WT1: variants seen among roughly 807,000 people sequenced by gnomAD.
WT1 encodes Wilms tumor protein.
In WT1, 8 loss-of-function variants were observed where a neutral mutation model predicts 60.8. The ratio of observed to expected loss-of-function variants is 0.13; its 90% CI spans 0.08 to 0.24. The LOEUF (loss-of-function observed/expected upper bound fraction) is 0.24, where lower values mean the gene tolerates loss of function less well. Ranked by LOEUF, WT1 falls within the 10% of genes least tolerant of loss-of-function variation. The pLI, the probability that WT1 is intolerant of heterozygous loss-of-function variation, is 1.00. For missense variants in WT1, 568 were observed against 711.8 expected, an observed-to-expected ratio of 0.80 and a Z score of 2.30; for synonymous variants, 312 against 297.1, an observed-to-expected ratio of 1.05 and a Z score of -0.52.
At chr11:32,407,934 C>T (rs1006964600) in intron 5 of WT1, among the ~76,000 whole-genome samples, 2 of 152,026 alleles carry the variant, frequency 1.3e-5, no homozygotes, top group African/African-American at 4.8e-5. Flanking sequence ...CTAGGAAATA[C>T]AGGGGAGGCC....
chr11:32,431,729 C>T (rs955736907), intron 1 of WT1, among the ~76,000 whole-genome samples: 1 of 152,076 alleles, frequency 6.6e-6, no homozygotes, highest in African/African-American at 2.4e-5. Context: ...AGCTTTTTTC[C>T]CCTCCTCCTT....
intron 1 of WT1, among the ~76,000 whole-genome samples, chr11:32,433,744 G>C (rs1233363736): frequency 1.3e-5 from 2 of 152,234 alleles, no homozygotes; most frequent in African/African-American, 2.4e-5. Flanking sequence ...GGCGGGCATC[G>C]GCGCGGGATG....
chr11:32,403,758 G>C (rs948577146), intron 5 of WT1, among the ~76,000 whole-genome samples: 16 of 151,836 alleles, frequency 1.1e-4, no homozygotes, highest in African/African-American at 3.1e-4. Context: ...TGTAGTTTTA[G>C]TAGAGACGGG....
chr11:32,420,281 T>C (rs532693837), intron 3 of WT1, among the ~76,000 whole-genome samples: 1 of 152,336 alleles, frequency 6.6e-6, no homozygotes, highest in Non-Finnish European at 1.5e-5. Flanking sequence ...TGGACAGTGA[T>C]GTTCTATAAG....
intron 5 of WT1, among the ~76,000 whole-genome samples, chr11:32,403,750 T>C (rs917065098): frequency 2.6e-5 from 4 of 151,824 alleles, no homozygotes; most frequent in Admixed American, 2.6e-4. Context: ...AATTTTTTTG[T>C]AGTTTTAGTA....
At chr11:32,400,849 AC>A (rs1438308763) in intron 5 of WT1, among the ~76,000 whole-genome samples, 2 of 152,240 alleles carry the variant, frequency 1.3e-5, no homozygotes, top group Non-Finnish European at 2.9e-5. Flanking sequence ...TTTCACCCAC[AC>A]CAGCAGCACA....
At chr11:32,430,220 A>G (rs972849393) in intron 1 of WT1, among the ~76,000 whole-genome samples, 1 of 152,060 alleles carries the variant, frequency 6.6e-6, no homozygotes, top group Non-Finnish European at 1.5e-5. Context: ...TAAGTGGGCA[A>G]AGATAACCCC....
At chr11:32,425,465 A>G (rs34712216) in intron 3 of WT1, among the ~76,000 whole-genome samples, 16,271 of 152,248 alleles carry the variant, frequency 0.11, 1,247 homozygotes, top group African/African-American at 0.22. Context: ...GCATTTAAAT[A>G]CCCTTTCAAA....
At position 32,389,158 on chromosome 11, in the gene WT1, C is replaced by T. The variant is rs139893274; in HGVS notation, c.1469G>A (p.Arg490Gln). The T allele has an allele frequency of 4.3e-6, 7 of 1,614,100 alleles. No individual in the cohort carries two copies. The highest frequency in any genetic ancestry group is 2.2e-5 in the East Asian group (1 of 44,880). The stretch of plus-strand genomic sequence containing the variant: ...AAACTTTTTCTGACAACTTGGCCAC[C>T]GACAGCTGAAGGGCTTTTCACCTGT... The change falls in exon 10 of 10, where the codon CGG (arginine) becomes CAG (glutamine). Residue 490 changes from arginine (R) to glutamine (Q), a missense_variant. Around this residue, in one of 3 missense-constraint regions of WT1, gnomAD observed 29 missense variants for 46.8 expected, o/e 0.62. Coordinates refer to ENST00000452863, the MANE Select transcript of WT1 (RefSeq NM_024426.6).
At chr11:32,395,392 C>T (rs1364030647) in intron 7 of WT1, among the ~76,000 whole-genome samples, 1 of 152,150 alleles carries the variant, frequency 6.6e-6, no homozygotes, top group East Asian at 1.9e-4. Flanking sequence ...TTCTCTGTTT[C>T]CCAGAAGCAG....
chr11:32,426,112 G>A (rs1853027003), intron 3 of WT1, among the ~76,000 whole-genome samples: 1 of 152,128 alleles, frequency 6.6e-6, no homozygotes, highest in African/African-American at 2.4e-5. Context: ...GGAAGTAACG[G>A]ATGTGTGTGT....
At chr11:32,412,812 T>C (rs781476743) in intron 5 of WT1, among the ~76,000 whole-genome samples, 2 of 151,802 alleles carry the variant, frequency 1.3e-5, no homozygotes, top group East Asian at 1.9e-4. Context: ...CATTCTCCCA[T>C]TGGAGGTCAT....
rs377573993 is a variant in WT1, at chr11:32,428,517, A to T, written c.764T>A (p.Met255Lys). Reference sequence around the variant, plus strand: ...CTTACCCAGCGAGCCCTGCTGGCCCATGGGATCCTCATGCTTGAATGAGTG... The same window carrying T: ...CTTACCCAGCGAGCCCTGCTGGCCCTTGGGATCCTCATGCTTGAATGAGTG... Residue 255 changes from methionine to lysine, a missense_variant, in exon 2 of 10, where the codon ATG becomes AAG. Transcript: ENST00000452863. 143 of 1,614,144 alleles carry T rather than the reference A, an allele frequency of 8.9e-5. No homozygotes were observed. In the South Asian group the frequency reaches 1.5e-3, roughly 17 times the overall value.
At chr11:32,426,573 G>C (rs1853045058) in intron 3 of WT1, among the ~76,000 whole-genome samples, 1 of 152,216 alleles carries the variant, frequency 6.6e-6, no homozygotes, top group Non-Finnish European at 1.5e-5. Flanking sequence ...AGAAAAAGAA[G>C]GATGGGGAGG....
intron 3 of WT1, among the ~76,000 whole-genome samples, chr11:32,425,021 T>C (rs1164939146): frequency 1.3e-5 from 2 of 151,850 alleles, no homozygotes; most frequent in Admixed American, 1.3e-4. Context: ...CTACTAAAAA[T>C]ACAAAAATTA....
rs1180529775 is a variant in WT1 at position 32,396,394 on chromosome 11, A to G, written c.1127T>C (p.Val376Ala). 1.2e-6 allele frequency: 2 copies of G among 1,614,066 alleles called. No homozygotes were observed. The highest frequency in any genetic ancestry group is 3.3e-5 in the Admixed American group (2 of 60,024). ...TACAAGAGTCGGGGCTACTCCAGGC[A>G]CACGTCGCACATCCTGCAGGCAGAG... The change falls in exon 7 of 10, where the codon GTG becomes GCG. Residue 376 changes from valine to alanine, a missense_variant. Coordinates refer to ENST00000452863, the MANE Select transcript of WT1 (RefSeq NM_024426.6).
chr11:32,428,646 G>T, intron 1 of WT1, 27 bp from the exon 2 acceptor site: 1 of 1,608,200 alleles, frequency 6.2e-7, no homozygotes. Context: ...GAGAAGCACA[G>T]TGTCAGCGGT....
chr11:32,409,620 C>A (rs1852431637), intron 5 of WT1, among the ~76,000 whole-genome samples: 1 of 152,008 alleles, frequency 6.6e-6, no homozygotes, highest in South Asian at 2.1e-4. Flanking sequence ...ATATGCCCAG[C>A]TAATTTTTTA....
intron 3 of WT1, among the ~76,000 whole-genome samples, chr11:32,422,601 G>A (rs2900741): frequency 0.38 from 57,656 of 152,042 alleles, 11,936 homozygotes; most frequent in East Asian, 0.73. Flanking sequence ...GTGGTAGATC[G>A]GCACTTCCCA....
Sources: allele counts gnomAD v4.1 joint callset (sites outside exome capture counted in the v4.1 genomes callset), GRCh38; gene constraint gnomAD v4.1.1; regional missense constraint gnomAD v4.1.1; transcripts MANE v1.5; gene names NCBI Gene and HGNC (gene_info 2026-07-23, HGNC 2026-07-21).